The following TENM4 variants were observed in gnomAD, a reference collection of about 807,000 sequenced individuals.
TENM4 encodes the protein teneurin-4.
In TENM4, 82 loss-of-function variants were observed where a neutral mutation model predicts 243.3. The ratio of observed to expected loss-of-function variants is 0.34; its 90% CI spans 0.28 to 0.40. The LOEUF (loss-of-function observed/expected upper bound fraction) is 0.40. TENM4 is among the 10% of genes least tolerant of loss of function. The pLI is 1.00. For synonymous variants in TENM4, 1,412 were observed against 1,456.3 expected (o/e 0.97, Z 0.69); for missense variants, 3,138 against 3,673.3 (o/e 0.85, Z 3.77).
chr11:79,337,119 A>G (rs1038683868), intron 1 of TENM4, among the ~76,000 whole-genome samples: 1 of 152,254 alleles, frequency 6.6e-6, no homozygotes, highest in African/African-American at 2.4e-5. Context: ...TTTGTCAGCA[A>G]CTATTGCATC....
chr11:78,862,723 A>T (rs1858854215), intron 10 of TENM4, among the ~76,000 whole-genome samples: 1 of 152,148 alleles, frequency 6.6e-6, no homozygotes, highest in African/African-American at 2.4e-5. Context: ...ATGGGATGGG[A>T]TTCTGCTGAG....
chr11:79,280,520 A>T (rs1021674645), intron 2 of TENM4, among the ~76,000 whole-genome samples: 1 of 152,210 alleles, frequency 6.6e-6, no homozygotes, highest in African/African-American at 2.4e-5. Context: ...TGGGAACCAC[A>T]CAGGGAAGAA....
At chr11:79,042,579 G>A (rs181480102) in intron 6 of TENM4, among the ~76,000 whole-genome samples, 13 of 152,272 alleles carry the variant, frequency 8.5e-5, no homozygotes, top group Non-Finnish European at 1.3e-4. Context: ...CCTTGATCTT[G>A]GACTTCCCAG....
chr11:79,062,717 G>T (rs922700663), intron 6 of TENM4, among the ~76,000 whole-genome samples: 1 of 152,116 alleles, frequency 6.6e-6, no homozygotes, highest in African/African-American at 2.4e-5. Context: ...CCCAAGAAAG[G>T]ATGCAATTTA....
chr11:79,280,677 T>G (rs1211060461), intron 2 of TENM4, among the ~76,000 whole-genome samples: 7 of 152,206 alleles, frequency 4.6e-5, no homozygotes, highest in African/African-American at 1.7e-4. Flanking sequence ...CCTGTCCCAA[T>G]TAACCCTCCT....
intron 3 of TENM4, among the ~76,000 whole-genome samples, chr11:79,192,375 T>C (rs1863532563): frequency 6.6e-6 from 1 of 152,158 alleles, no homozygotes; most frequent in Admixed American, 6.5e-5. Context: ...GCCGTGTCTG[T>C]GTAGAAAGAA....
chr11:78,805,542 T>C, intron 14 of TENM4, 50 bp from the exon 15 acceptor site: 1 of 1,541,880 alleles, frequency 6.5e-7, no homozygotes, highest in Non-Finnish European at 8.7e-7. Context: ...CCAGCAAAGG[T>C]GAGGCTTCTT....
chr11:78,719,644 T>C (rs939889588), intron 25 of TENM4, among the ~76,000 whole-genome samples: 4 of 152,198 alleles, frequency 2.6e-5, no homozygotes, highest in Non-Finnish European at 5.9e-5. Context: ...ATGGTTACTT[T>C]CCAAGTCACC....
rs1855597269 is a variant in TENM4, at chr11:78,729,381, G to C, written c.3401C>G (p.Ala1134Gly). Residue 1134 changes from alanine (A) to glycine (G), a missense_variant, in exon 22 of 34, where the codon GCC becomes GGC. Ala to Gly is a moderately conservative substitution (Grantham distance 60). Coordinates refer to ENST00000278550, the MANE Select transcript of TENM4 (RefSeq NM_001098816.3). ...CCTGCAGCCGGGAGGCTTACCAAAG[G>C]CTTCTGAAAGCCCAAACACCTTCTG... ...YNQKVFGLSEAFVSVGYEYES... is the reference protein window; with the variant it reads ...YNQKVFGLSEGFVSVGYEYES... 1 of 1,572,782 alleles carries C rather than the reference G, an allele frequency of 6.4e-7. No homozygotes were observed. The highest frequency in any genetic ancestry group is 2.3e-5 in the East Asian group (1 of 42,864).
At chr11:78,874,414 T>C (rs1859213183) in intron 9 of TENM4, among the ~76,000 whole-genome samples, 1 of 152,198 alleles carries the variant, frequency 6.6e-6, no homozygotes, top group African/African-American at 2.4e-5. Flanking sequence ...CCAAATGTCC[T>C]AATGTAATAC....
intron 1 of TENM4, among the ~76,000 whole-genome samples, chr11:79,368,832 A>G (rs1042617172): frequency 6.6e-6 from 1 of 152,224 alleles, no homozygotes; most frequent in Non-Finnish European, 1.5e-5. Flanking sequence ...GGGCAAATTA[A>G]TTAGCCTAAT....
chr11:79,228,814 A>G (rs1368550526), intron 2 of TENM4, among the ~76,000 whole-genome samples: 5 of 152,218 alleles, frequency 3.3e-5, no homozygotes, highest in African/African-American at 1.2e-4. Context: ...AGTTTTCCCC[A>G]TATTAACACC....
intron 1 of TENM4, among the ~76,000 whole-genome samples, chr11:79,325,626 C>A (rs1856961799): frequency 6.6e-6 from 1 of 152,210 alleles, no homozygotes; most frequent in Non-Finnish European, 1.5e-5. Flanking sequence ...AGTACTCGCT[C>A]AGGAAGGCAT....
At chr11:79,037,375 G>C (rs1042838441) in intron 6 of TENM4, among the ~76,000 whole-genome samples, 2 of 152,234 alleles carry the variant, frequency 1.3e-5, no homozygotes, top group African/African-American at 4.8e-5. Context: ...AGAGCCTTAG[G>C]AGTTAATCCG....
intron 1 of TENM4, among the ~76,000 whole-genome samples, chr11:79,322,788 G>C (rs942475618): frequency 1.2e-4 from 19 of 152,154 alleles, no homozygotes; most frequent in African/African-American, 4.6e-4. Context: ...ACAATTCCAT[G>C]TTTACTGCAT....
At chr11:78,798,178 C>T (rs529994418) in intron 15 of TENM4, among the ~76,000 whole-genome samples, 5 of 152,282 alleles carry the variant, frequency 3.3e-5, no homozygotes, top group South Asian at 2.1e-4. Context: ...TATTTTGCCT[C>T]GTAAATAAAA....
At chr11:79,261,779 C>T (rs1226737241) in intron 2 of TENM4, among the ~76,000 whole-genome samples, 2 of 152,286 alleles carry the variant, frequency 1.3e-5, no homozygotes, top group East Asian at 3.9e-4. Flanking sequence ...CCAGTGGCTT[C>T]TTCCTCTGCA....
intron 3 of TENM4, among the ~76,000 whole-genome samples, chr11:79,164,350 G>GTATATAGATATACTATATAT (rs1862853740): frequency 3.4e-5 from 2 of 58,382 alleles, no homozygotes; most frequent in African/African-American, 1.1e-4. Context: ...ATACTATATA[G>GTATATAGATATACTATATAT]ATACTATATA....
chr11:78,750,820 G>T (rs1164549209), intron 19 of TENM4, among the ~76,000 whole-genome samples: 2 of 151,848 alleles, frequency 1.3e-5, no homozygotes, highest in East Asian at 3.9e-4. Context: ...GTACAGAGTA[G>T]GTGCTGGTCA....
Sources: allele counts gnomAD v4.1 joint callset (sites outside exome capture counted in the v4.1 genomes callset), GRCh38; gene constraint gnomAD v4.1.1; transcripts MANE v1.5; gene names NCBI Gene and HGNC (gene_info 2026-07-23, HGNC 2026-07-21).